The following TYW1 variants were observed in gnomAD, a reference collection of about 807,000 sequenced individuals.
TYW1 encodes tRNA-yW synthesizing protein 1 homolog.
TYW1 carries 46 observed loss-of-function variants against 96.2 expected under a neutral mutation model. The ratio of observed to expected loss-of-function variants is 0.48; its 90% CI spans 0.38 to 0.61. TYW1 has a LOEUF of 0.61. Among genes scored for constraint, TYW1 ranks in the 20% least tolerant of loss-of-function variants. The probability of loss-of-function intolerance (pLI) is 0.00; values close to 1 mark genes in which losing one functional copy is unlikely to be tolerated. For missense variants in TYW1, 684 were observed against 909.6 expected (o/e 0.75, Z 3.19); for synonymous variants, 274 against 323.0 (o/e 0.85, Z 1.63).
At chr7:67,161,852 C>T (rs1240821105) in intron 13 of TYW1, among the ~76,000 whole-genome samples, 4 of 152,038 alleles carry the variant, frequency 2.6e-5, no homozygotes, top group Admixed American at 2.6e-4. Context: ...GACTGCTGTA[C>T]CCCCAGGCAT....
At chr7:67,170,346 T>C (rs1799478850) in intron 13 of TYW1, among the ~76,000 whole-genome samples, 1 of 152,226 alleles carries the variant, frequency 6.6e-6, no homozygotes, top group Non-Finnish European at 1.5e-5. Flanking sequence ...TTTGAGTATG[T>C]TTTGAAATCA....
intron 13 of TYW1, among the ~76,000 whole-genome samples, chr7:67,153,629 G>A (rs1798872809): frequency 6.6e-6 from 1 of 152,158 alleles, no homozygotes; most frequent in Admixed American, 6.5e-5. Flanking sequence ...ATATAAAAAT[G>A]AAAACCACCC....
intron 13 of TYW1, among the ~76,000 whole-genome samples, chr7:67,117,930 A>G (rs57885730): frequency 0.28 from 41,841 of 151,828 alleles, 6,557 homozygotes; most frequent in African/African-American, 0.43. Flanking sequence ...AGTTGGTCCT[A>G]GAACCAATTC....
At chr7:67,019,126 A>G (rs1214182574) in intron 6 of TYW1, among the ~76,000 whole-genome samples, 3 of 152,112 alleles carry the variant, frequency 2.0e-5, no homozygotes, top group Non-Finnish European at 4.4e-5. Flanking sequence ...TCCCCTTCAC[A>G]TCAGCCTTCC....
chr7:67,089,100 T>G (rs1352140491), intron 11 of TYW1, among the ~76,000 whole-genome samples: 4 of 152,240 alleles, frequency 2.6e-5, no homozygotes, highest in African/African-American at 9.6e-5. Flanking sequence ...TTTATTACTC[T>G]TTTTTAACAA....
intron 10 of TYW1, among the ~76,000 whole-genome samples, chr7:67,072,963 T>TTTTTTTTTTTTTTTTTTTTTG (rs1219374462): frequency 4.2e-5 from 5 of 118,680 alleles, no homozygotes; most frequent in African/African-American, 1.7e-4. Context: ...TTTTTTTTTT[T>TTTTTTTTTTTTTTTTTTTTTG]TATAGAGACA....
chr7:67,038,793 A>G (rs1355072664), intron 7 of TYW1, among the ~76,000 whole-genome samples: 3 of 152,070 alleles, frequency 2.0e-5, no homozygotes, highest in Admixed American at 1.3e-4. Context: ...AGTCCCAGCT[A>G]CTCGGGAGGT....
intron 13 of TYW1, among the ~76,000 whole-genome samples, chr7:67,153,735 T>C (rs907682977): frequency 7.2e-5 from 11 of 152,226 alleles, no homozygotes; most frequent in Non-Finnish European, 1.5e-4. Context: ...ATGTTTAGTT[T>C]ATACTAACTA....
chr7:67,211,192 T>TGTG (rs1801008201), intron 15 of TYW1, among the ~76,000 whole-genome samples: 1 of 102,508 alleles, frequency 9.8e-6, no homozygotes, highest in Non-Finnish European at 2.1e-5. Flanking sequence ...GTGTGTGTGT[T>TGTG]TTGAGCACTT....
intron 15 of TYW1, among the ~76,000 whole-genome samples, chr7:67,221,233 A>G (rs1220489204): frequency 6.6e-6 from 1 of 152,132 alleles, no homozygotes; most frequent in Admixed American, 6.5e-5. Flanking sequence ...CCTTTTATCA[A>G]TATGTAATAT....
chr7:67,213,357 A>G (rs1801102350), intron 15 of TYW1, among the ~76,000 whole-genome samples: 1 of 152,026 alleles, frequency 6.6e-6, no homozygotes, highest in Admixed American at 6.5e-5. Context: ...ACGGGGTTTC[A>G]TTTTGTTGCC....
At chr7:67,030,507 C>A (rs1411744232) in intron 7 of TYW1, among the ~76,000 whole-genome samples, 2 of 152,176 alleles carry the variant, frequency 1.3e-5, no homozygotes, top group Non-Finnish European at 2.9e-5. Context: ...TGGTACGTGC[C>A]TGTAATCCCA....
chr7:67,041,158 GTTTTCAT>G (rs1025842383), intron 7 of TYW1, among the ~76,000 whole-genome samples: 1 of 152,074 alleles, frequency 6.6e-6, no homozygotes, highest in Non-Finnish European at 1.5e-5. Context: ...TAAGCTACCA[GTTTTCAT>G]TTTTCATGAT....
At chr7:67,225,240 A>G (rs112057364) in intron 15 of TYW1, among the ~76,000 whole-genome samples, 15,249 of 151,312 alleles carry the variant, frequency 0.1, 1,045 homozygotes, top group South Asian at 0.17. Flanking sequence ...AAGGGCAAGT[A>G]GGACACGACT....
At chr7:67,001,886 T>C (rs1793404329) in intron 3 of TYW1, among the ~76,000 whole-genome samples, 1 of 151,736 alleles carries the variant, frequency 6.6e-6, no homozygotes, top group Non-Finnish European at 1.5e-5. Flanking sequence ...TACAAAAAAT[T>C]AGCTGGGCGT....
intron 7 of TYW1, among the ~76,000 whole-genome samples, chr7:67,037,777 C>T (rs755507750): frequency 6.6e-6 from 1 of 151,600 alleles, no homozygotes; most frequent in East Asian, 1.9e-4. Flanking sequence ...AGACCAGCCT[C>T]GGCAACATAG....
chr7:67,070,014 AC>A (rs1188119863), intron 10 of TYW1, among the ~76,000 whole-genome samples: 1 of 152,152 alleles, frequency 6.6e-6, no homozygotes, highest in Non-Finnish European at 1.5e-5. Flanking sequence ...AGAAATCTAG[AC>A]TGACAGTTTT....
rs140687767 is a variant in TYW1 at position 67,195,309 on chromosome 7, C to T, written c.1949C>T (p.Ser650Phe). ...EYEIACEHEHSNCLLIAHRKF... is the reference protein window; with the variant it reads ...EYEIACEHEHFNCLLIAHRKF... ...GAAATTGCATGTGAACACGAACACT[C>T]TAATTGCCTCCTGATAGCACACAGA... Residue 650 changes from serine (S) to phenylalanine (F), a missense_variant, in exon 15 of 16, where the codon TCT becomes TTT. Physicochemically the swap from Ser to Phe is radical, Grantham distance 155. Transcript: ENST00000359626. 29 of 1,613,398 alleles carry T rather than the reference C, an allele frequency of 1.8e-5. No homozygotes were observed. The highest frequency in any genetic ancestry group is 2.5e-5 in the Non-Finnish European group (29 of 1,179,858).
intron 12 of TYW1, among the ~76,000 whole-genome samples, chr7:67,116,371 G>A (rs1347033596): frequency 1.3e-5 from 2 of 151,674 alleles, no homozygotes; most frequent in African/African-American, 4.8e-5. Flanking sequence ...GTATAGTCTA[G>A]GTTTAATGTA....
Sources: allele counts gnomAD v4.1 joint callset (sites outside exome capture counted in the v4.1 genomes callset), GRCh38; gene constraint gnomAD v4.1.1; transcripts MANE v1.5; gene names NCBI Gene and HGNC (gene_info 2026-07-23, HGNC 2026-07-21).